Variants in EML1 observed in about 807,000 individuals in gnomAD.
EML1 encodes echinoderm microtubule-associated protein-like 1.
In EML1, 27 loss-of-function variants were observed where a neutral mutation model predicts 110.4. The ratio of observed to expected loss-of-function variants is 0.24; its 90% CI spans 0.18 to 0.34. The LOEUF (loss-of-function observed/expected upper bound fraction) is 0.34. Ranked by LOEUF, EML1 falls within the 10% of genes least tolerant of loss-of-function variation. EML1 has a pLI of 1.00. For missense variants in EML1, 741 were observed against 1,030.9 expected, an observed-to-expected ratio of 0.72 and a Z score of 3.85; for synonymous variants, 344 against 385.8, an observed-to-expected ratio of 0.89 and a Z score of 1.27.
chr14:99,798,726 A>G (rs1039523323), intron 1 of EML1, among the ~76,000 whole-genome samples: 1 of 151,442 alleles, frequency 6.6e-6, no homozygotes, highest in African/African-American at 2.4e-5. Context: ...GGTTATATAG[A>G]CTCCATTTCT....
At chr14:99,873,716 A>G (rs1321562730) in intron 3 of EML1, among the ~76,000 whole-genome samples, 1 of 152,238 alleles carries the variant, frequency 6.6e-6, no homozygotes, top group Non-Finnish European at 1.5e-5. Flanking sequence ...CTGAAAAATG[A>G]CTTGGATTTT....
intron 1 of EML1, among the ~76,000 whole-genome samples, chr14:99,818,460 T>C (rs2058206034): frequency 6.6e-6 from 1 of 152,022 alleles, no homozygotes; most frequent in Non-Finnish European, 1.5e-5. Context: ...GGGCAAAAAA[T>C]ATGGAATCAG....
At chr14:99,907,776 A>G (rs1468892242) in intron 10 of EML1, 43 bp downstream of exon 10, 2 of 1,597,604 alleles carry the variant, frequency 1.3e-6, no homozygotes, top group African/African-American at 1.3e-5. Context: ...ACATTTTCCC[A>G]TTCAGAGCCG....
chr14:99,810,641 G>A (rs1036618275), intron 1 of EML1, among the ~76,000 whole-genome samples: 45 of 152,220 alleles, frequency 3.0e-4, no homozygotes, highest in African/African-American at 9.4e-4. Context: ...TCAGATACCC[G>A]GGACAAATCA....
chr14:99,845,014 C>A (rs1489417733), intron 1 of EML1, among the ~76,000 whole-genome samples: 3 of 152,140 alleles, frequency 2.0e-5, no homozygotes, highest in Non-Finnish European at 4.4e-5. Flanking sequence ...GAATATTGTT[C>A]ATTTTTCTAG....
At chr14:99,764,129 G>A (rs975532824) in intron 1 of EML1, among the ~76,000 whole-genome samples, 20 of 152,166 alleles carry the variant, frequency 1.3e-4, no homozygotes, top group African/African-American at 4.6e-4. Flanking sequence ...CTGACTTGCT[G>A]TGTGACCTTC....
chr14:99,820,299 G>A (rs942930450), intron 1 of EML1, among the ~76,000 whole-genome samples: 1 of 152,164 alleles, frequency 6.6e-6, no homozygotes, highest in Admixed American at 6.5e-5. Flanking sequence ...TGTATGGCAC[G>A]TTGCTCTCAC....
At chr14:99,858,026 A>G (rs1219422443) in intron 2 of EML1, among the ~76,000 whole-genome samples, 1 of 152,210 alleles carries the variant, frequency 6.6e-6, no homozygotes, top group Non-Finnish European at 1.5e-5. Flanking sequence ...TTTTAAAGTG[A>G]TGCAGTAAGA....
chr14:99,862,447 C>G (rs558198105), intron 2 of EML1, among the ~76,000 whole-genome samples: 1 of 152,304 alleles, frequency 6.6e-6, no homozygotes, highest in East Asian at 1.9e-4. Flanking sequence ...ATTTTACCTT[C>G]TTGAGGGTGG....
intron 4 of EML1, among the ~76,000 whole-genome samples, chr14:99,890,802 C>G (rs1478883892): frequency 6.6e-6 from 1 of 152,194 alleles, no homozygotes; most frequent in Non-Finnish European, 1.5e-5. Flanking sequence ...ACCAAAAGAT[C>G]TTTTGTCAGG....
chr14:99,894,282 T>C (rs531345018), intron 5 of EML1, among the ~76,000 whole-genome samples: 1 of 152,318 alleles, frequency 6.6e-6, no homozygotes, highest in South Asian at 2.1e-4. Context: ...GGATTTCTTG[T>C]GTTAGTTGAA....
rs538479992 is a variant in EML1, at chr14:99,830,174, A to G, written c.68-20679A>G. 2.6e-5 allele frequency among the ~76,000 whole-genome samples: 4 copies of G among 152,092 alleles called. No homozygotes were observed. The East Asian group carries it at 5.8e-4, about 22-fold the overall frequency. ...AATGCTTGTTATTTTCATTTTTTTT[A>G]TGATAGCCATTCTAGTATGTGTGAA... On this transcript the variant is annotated intron_variant, in intron 1 of 21. Transcript: ENST00000262233.
rs112265474 is a variant in EML1 at position 99,782,153 on chromosome 14, C to A, written c.-27+8140C>A. Among the ~76,000 whole-genome samples, 481 of 151,832 alleles carry A rather than the reference C, an allele frequency of 3.2e-3. 2 individuals carry two copies. The highest frequency in any genetic ancestry group is 0.011 in the African/African-American group (462 of 41,436). The stretch of plus-strand genomic sequence containing the variant: ...CTTTCCCCTCTCCTTCCTTCCCCAA[C>A]CCCTCCACCCCCACCACCTCTCTCT... On this transcript the variant is annotated intron_variant, in intron 1 of 22. Transcript: ENST00000327921.
chr14:99,836,159 G>A (rs2058537298), intron 1 of EML1, among the ~76,000 whole-genome samples: 1 of 152,118 alleles, frequency 6.6e-6, no homozygotes, highest in Non-Finnish European at 1.5e-5. Flanking sequence ...TTTCTAATCC[G>A]TGAACATGGA....
chr14:99,887,577 G>A (rs2059502446), intron 4 of EML1, among the ~76,000 whole-genome samples: 1 of 152,184 alleles, frequency 6.6e-6, no homozygotes, highest in Non-Finnish European at 1.5e-5. Context: ...CCCAGCTGCT[G>A]AGGGGATGTT....
intron 1 of EML1, among the ~76,000 whole-genome samples, chr14:99,741,212 C>T (rs2057038154): frequency 1.3e-5 from 2 of 152,200 alleles, no homozygotes; most frequent in Admixed American, 1.3e-4. Flanking sequence ...GGCCTCTAAC[C>T]TGCAGAAGTG....
intron 1 of EML1, among the ~76,000 whole-genome samples, chr14:99,817,689 T>G (rs1199073456): frequency 6.6e-6 from 1 of 152,126 alleles, no homozygotes; most frequent in Non-Finnish European, 1.5e-5. Flanking sequence ...TTCGGCACAT[T>G]CCTTGAGGGC....
chr14:99,775,359 A>C (rs997139666), intron 1 of EML1, among the ~76,000 whole-genome samples: 2 of 152,198 alleles, frequency 1.3e-5, no homozygotes, highest in African/African-American at 2.4e-5. Flanking sequence ...AGGGCATATG[A>C]CAGGGAGGGA....
intron 2 of EML1, among the ~76,000 whole-genome samples, chr14:99,858,951 C>T (rs1037718999): frequency 2.6e-5 from 4 of 152,092 alleles, no homozygotes; most frequent in Non-Finnish European, 4.4e-5. Context: ...TCAAATAGTG[C>T]ACATTGCATT....
Sources: gnomAD v4.1 joint callset for allele counts (sites outside exome capture counted in the v4.1 genomes callset) on GRCh38, gnomAD v4.1.1 for gene constraint, MANE v1.5 for transcripts, NCBI Gene and HGNC (gene_info 2026-07-23, HGNC 2026-07-21) for gene names.